The following RBFOX1 variants were observed in gnomAD, a reference collection of about 807,000 sequenced individuals.
RBFOX1 encodes the protein RNA binding fox-1 homolog 1.
A neutral mutation model predicts 57.7 loss-of-function variants in RBFOX1; 8 were observed. That is an observed-to-expected ratio of 0.14 (90% CI 0.08 to 0.25). The LOEUF is 0.25. Among genes scored for constraint, RBFOX1 ranks in the 10% least tolerant of loss-of-function variants. The probability of loss-of-function intolerance (pLI) is 1.00; values close to 1 mark genes in which losing one functional copy is unlikely to be tolerated. For missense variants in RBFOX1, 611 were observed against 548.5 expected (o/e 1.11, Z -1.14); for synonymous variants, 326 against 222.4 (o/e 1.47, Z -4.15).
chr16:7,578,288 T>G (rs2093487174), intron 5 of RBFOX1, among the ~76,000 whole-genome samples: 2 of 152,204 alleles, frequency 1.3e-5, no homozygotes, highest in South Asian at 4.1e-4. Flanking sequence ...TGCTTCCTAT[T>G]CAATCCAACA....
intron 1 of RBFOX1, among the ~76,000 whole-genome samples, chr16:6,070,545 G>C (rs1417904270): frequency 2.0e-5 from 3 of 152,108 alleles, no homozygotes; most frequent in African/African-American, 7.2e-5. Context: ...GATTAGCTCT[G>C]GTCACAGAAA....
intron 4 of RBFOX1, among the ~76,000 whole-genome samples, chr16:7,308,707 G>C (rs62014009): frequency 1.3e-3 from 201 of 152,310 alleles, no homozygotes; most frequent in Non-Finnish European, 2.4e-3. Flanking sequence ...AACCCTTTCT[G>C]TCTTTAATTA....
chr16:7,127,956 G>T (rs1017246539), intron 4 of RBFOX1, among the ~76,000 whole-genome samples: 1 of 152,304 alleles, frequency 6.6e-6, no homozygotes, highest in Non-Finnish European at 1.5e-5. Flanking sequence ...CAACTGCAAA[G>T]GTCCGAAAGA....
At chr16:5,853,574 C>G (rs572290578) in intron 3 of RBFOX1, among the ~76,000 whole-genome samples, 1 of 152,178 alleles carries the variant, frequency 6.6e-6, no homozygotes, top group Non-Finnish European at 1.5e-5. Context: ...TTCTTTTTGT[C>G]TGTGGCAACA....
chr16:6,698,271 T>A (rs1405916890), intron 3 of RBFOX1, among the ~76,000 whole-genome samples: 9 of 152,158 alleles, frequency 5.9e-5, no homozygotes, highest in Admixed American at 5.9e-4. Flanking sequence ...ACAGAAGATA[T>A]GGGGGGTAAT....
intron 3 of RBFOX1, among the ~76,000 whole-genome samples, chr16:5,849,186 T>G (rs1188970749): frequency 6.6e-6 from 1 of 151,994 alleles, no homozygotes; most frequent in Non-Finnish European, 1.5e-5. Flanking sequence ...TTTCATGGCC[T>G]TCAAGCAAAT....
At chr16:5,294,831 G>C (rs2063623004) in intron 1 of RBFOX1, among the ~76,000 whole-genome samples, 2 of 151,488 alleles carry the variant, frequency 1.3e-5, no homozygotes, top group Non-Finnish European at 2.9e-5. Context: ...AGGATTTCAA[G>C]ATCTGCCTGG....
intron 3 of RBFOX1, among the ~76,000 whole-genome samples, chr16:7,027,133 G>A (rs892669160): frequency 6.6e-6 from 1 of 152,160 alleles, no homozygotes; most frequent in African/African-American, 2.4e-5. Context: ...ATGCCTTAGA[G>A]TGCTAAGAAC....
chr16:6,357,623 C>G (rs1306501957), intron 2 of RBFOX1, among the ~76,000 whole-genome samples: 3 of 152,020 alleles, frequency 2.0e-5, no homozygotes, highest in African/African-American at 7.2e-5. Context: ...CTCTCTCTCT[C>G]TCTGTCTTGC....
At chr16:6,607,098 TACTG>T (rs1438518111) in intron 2 of RBFOX1, among the ~76,000 whole-genome samples, 11 of 152,316 alleles carry the variant, frequency 7.2e-5, no homozygotes, top group Admixed American at 1.3e-4. Flanking sequence ...CTTCCAAACC[TACTG>T]ACTAATAGTC....
intron 1 of RBFOX1, among the ~76,000 whole-genome samples, chr16:5,276,465 C>G (rs8060547): frequency 0.15 from 23,016 of 152,118 alleles, 1,812 homozygotes; most frequent in African/African-American, 0.19. Flanking sequence ...CAAATCAAAA[C>G]CACAATGCAA....
intron 4 of RBFOX1, among the ~76,000 whole-genome samples, chr16:7,286,765 A>C (rs2095659451): frequency 6.6e-6 from 1 of 151,732 alleles, no homozygotes; most frequent in Non-Finnish European, 1.5e-5. Context: ...CTGGGACTAC[A>C]GGTCCCTGCC....
At chr16:7,180,413 C>G (rs982809011) in intron 4 of RBFOX1, among the ~76,000 whole-genome samples, 1 of 152,164 alleles carries the variant, frequency 6.6e-6, no homozygotes, top group African/African-American at 2.4e-5. Flanking sequence ...ATGGGTCACT[C>G]TTGTCATCAG....
At chr16:7,204,391 C>A (rs1015781523) in intron 4 of RBFOX1, among the ~76,000 whole-genome samples, 3 of 148,418 alleles carry the variant, frequency 2.0e-5, no homozygotes, top group Non-Finnish European at 3.0e-5. Context: ...CCTGAAATCC[C>A]AGTACTTTGA....
intron 1 of RBFOX1, among the ~76,000 whole-genome samples, chr16:5,449,861 G>A (rs887551480): frequency 3.9e-5 from 6 of 152,080 alleles, no homozygotes; most frequent in Non-Finnish European, 7.4e-5. Flanking sequence ...TCCCACCTCA[G>A]CCTCCCAAAG....
intron 4 of RBFOX1, among the ~76,000 whole-genome samples, chr16:7,280,356 G>A (rs978186133): frequency 6.6e-6 from 1 of 152,326 alleles, no homozygotes. Context: ...ACTATTAACA[G>A]TAGGTCATCC....
chr16:6,180,725 C>T (rs1035819289), intron 1 of RBFOX1, among the ~76,000 whole-genome samples: 19 of 152,052 alleles, frequency 1.2e-4, no homozygotes, highest in African/African-American at 3.4e-4. Flanking sequence ...GCCACCACAC[C>T]CAGCTAATTT....
chr16:6,941,846 T>A (rs1338033052), intron 3 of RBFOX1, among the ~76,000 whole-genome samples: 1 of 152,108 alleles, frequency 6.6e-6, no homozygotes, highest in African/African-American at 2.4e-5. Context: ...CCCTAACTCT[T>A]TCCCATCTGG....
intron 3 of RBFOX1, among the ~76,000 whole-genome samples, chr16:5,690,985 C>G (rs577165812): frequency 7.9e-5 from 12 of 152,104 alleles, no homozygotes; most frequent in East Asian, 1.9e-4. Context: ...AGCAGGTAAT[C>G]CAGTGCAGCC....
Sources: allele counts gnomAD v4.1 joint callset (sites outside exome capture counted in the v4.1 genomes callset), GRCh38; gene constraint gnomAD v4.1.1; transcripts MANE v1.5; gene names NCBI Gene and HGNC (gene_info 2026-07-23, HGNC 2026-07-21).